Variants in SSH2 observed in about 807,000 individuals in gnomAD.
The protein encoded by SSH2 is slingshot protein phosphatase 2, also known as protein phosphatase Slingshot homolog 2.
In SSH2, 37 loss-of-function variants were observed where a neutral mutation model predicts 135.2. That is an observed-to-expected ratio of 0.27 (90% CI 0.21 to 0.36). The LOEUF is 0.36. SSH2 is among the 10% of genes least tolerant of loss of function. The pLI, the probability that SSH2 is intolerant of heterozygous loss-of-function variation, is 1.00. For missense variants in SSH2, 1,408 were observed against 1,765.3 expected (o/e 0.80, Z 3.63); for synonymous variants, 628 against 646.2 (o/e 0.97, Z 0.43).
intron 1 of SSH2, among the ~76,000 whole-genome samples, chr17:29,876,770 A>G (rs1272628546): frequency 6.6e-6 from 1 of 152,200 alleles, no homozygotes; most frequent in African/African-American, 2.4e-5. Flanking sequence ...AACCACTACA[A>G]GAAAACATTG....
At chr17:29,702,857 A>G in intron 4 of SSH2, 102 bp downstream of exon 4, 1 of 961,358 alleles carries the variant, frequency 1.0e-6, no homozygotes, top group East Asian at 2.5e-5. Context: ...TTCTTTCACC[A>G]TTAAAGAACT....
intron 3 of SSH2, among the ~76,000 whole-genome samples, chr17:29,741,934 CTTTTTTTTTTT>C (rs71138848): frequency 1.0e-5 from 1 of 97,910 alleles, no homozygotes; most frequent in Non-Finnish European, 2.0e-5. Flanking sequence ...ATTTTTTTTT[CTTTTTTTTTTT>C]TTTTTTTTTG....
chr17:29,914,983 A>T (rs1276950816), intron 1 of SSH2, among the ~76,000 whole-genome samples: 10 of 152,218 alleles, frequency 6.6e-5, no homozygotes, highest in Non-Finnish European at 1.5e-5. Context: ...CTTTACAGTC[A>T]ATACAGTTTC....
intron 1 of SSH2, among the ~76,000 whole-genome samples, chr17:29,880,287 A>T (rs1244162323): frequency 6.6e-6 from 1 of 152,022 alleles, no homozygotes; most frequent in African/African-American, 2.4e-5. Flanking sequence ...TGACCAGCTA[A>T]TTTTTTCTAT....
chr17:29,772,106 TG>T (rs1014095541), intron 3 of SSH2, among the ~76,000 whole-genome samples: 65 of 87,504 alleles, frequency 7.4e-4, no homozygotes, highest in African/African-American at 6.1e-3. Context: ...AGAAAAGATG[TG>T]GTTTTTTTTT....
At chr17:29,661,678 G>A (rs527349235) in intron 11 of SSH2, among the ~76,000 whole-genome samples, 2 of 152,182 alleles carry the variant, frequency 1.3e-5, no homozygotes, top group Non-Finnish European at 2.9e-5. Flanking sequence ...TGGAGCCAGC[G>A]AAATGTGACC....
chr17:29,660,343 C>T (rs1204050118), intron 11 of SSH2, among the ~76,000 whole-genome samples: 6 of 150,464 alleles, frequency 4.0e-5, no homozygotes, highest in South Asian at 2.1e-4. Flanking sequence ...CTCAGCTCAC[C>T]GCAACCTCTG....
chr17:29,648,200 C>G lies in SSH2; in HGVS notation c.1371G>C (p.Lys457Asn), dbSNP rs750183981. Reference protein sequence around the residue: ...DYVKERRTVTKPNPSFMRQLE... With the variant: ...DYVKERRTVTNPNPSFMRQLE... Reference sequence around the variant, plus strand: ...GTTGTCTCATGAAGCTTGGGTTGGGCTTGGTTACCGTTCGTCTTTCTTTCA... The same window carrying G: ...GTTGTCTCATGAAGCTTGGGTTGGGGTTGGTTACCGTTCGTCTTTCTTTCA... Residue 457 changes from lysine (K) to asparagine (N), a missense_variant, in exon 14 of 16, where the codon AAG becomes AAC. Around this residue, in one of 3 missense-constraint regions of SSH2, gnomAD observed 106 missense variants for 265.2 expected, o/e 0.40. Transcript: ENST00000540801. The G allele has an allele frequency of 6.2e-6, 10 of 1,613,986 alleles. No individual in the cohort carries two copies. Among genetic ancestry groups the G allele is most frequent in the Non-Finnish European group, 8.5e-6 (10 of 1,180,040 alleles).
intron 1 of SSH2, among the ~76,000 whole-genome samples, chr17:29,889,921 T>G (rs1452272394): frequency 1.3e-5 from 2 of 149,808 alleles, no homozygotes; most frequent in Non-Finnish European, 3.0e-5. Flanking sequence ...ATTGTTTCAC[T>G]ACACTCCAGC....
rs1027007773 is a variant in SSH2 at position 29,635,958 on chromosome 17, C to T, written c.2262+10G>A. On this transcript the variant is annotated intron_variant, in intron 15 of 15. Transcript: ENST00000540801. ...TTCATTAGGCGGAAAACTATAAAGA[C>T]AGTTTTTACCTTTGACTGTTCCTCA... The T allele has an allele frequency of 8.3e-6, 13 of 1,573,724 alleles. No individual in the cohort carries two copies. Among genetic ancestry groups the T allele is most frequent in the Non-Finnish European group, 1.1e-5 (13 of 1,149,350 alleles).
chr17:29,742,639 A>AT (rs2040607710), intron 3 of SSH2, among the ~76,000 whole-genome samples: 1 of 142,838 alleles, frequency 7.0e-6, no homozygotes, highest in Admixed American at 6.9e-5. Flanking sequence ...TGGTTAGTTC[A>AT]TTTTTTGTTT....
chr17:29,753,218 C>A (rs2041004924), intron 3 of SSH2, among the ~76,000 whole-genome samples: 1 of 152,036 alleles, frequency 6.6e-6, no homozygotes, highest in Non-Finnish European at 1.5e-5. Context: ...GCAACCTCTG[C>A]CTCCTGGGTT....
intron 1 of SSH2, among the ~76,000 whole-genome samples, chr17:29,858,021 G>T (rs1271574404): frequency 6.6e-6 from 1 of 152,102 alleles, no homozygotes; most frequent in African/African-American, 2.4e-5. Flanking sequence ...TTAGCATAAG[G>T]TCCTCAAGAT....
intron 8 of SSH2, among the ~76,000 whole-genome samples, 159 bp from the exon 9 acceptor site, chr17:29,672,288 A>G (rs2037526860): frequency 6.6e-6 from 1 of 152,166 alleles, no homozygotes; most frequent in Non-Finnish European, 1.5e-5. Flanking sequence ...TGATTATACC[A>G]TATTATCTAT....
intron 3 of SSH2, among the ~76,000 whole-genome samples, chr17:29,732,697 G>T (rs1233791529): frequency 1.3e-5 from 2 of 152,160 alleles, no homozygotes; most frequent in East Asian, 3.8e-4. Context: ...AAAGATAGAA[G>T]GAGGCTTCGG....
chr17:29,673,780 A>G (rs900017691), intron 8 of SSH2: 2 of 279,916 alleles, frequency 7.1e-6, no homozygotes, highest in African/African-American at 4.4e-5. Context: ...TATTCTCCAT[A>G]TCATCTATAA....
At chr17:29,732,843 C>T (rs1222017698) in intron 3 of SSH2, among the ~76,000 whole-genome samples, 1 of 152,176 alleles carries the variant, frequency 6.6e-6, no homozygotes, top group Non-Finnish European at 1.5e-5. Flanking sequence ...AATGTATAAT[C>T]TCGAATACGC....
intron 1 of SSH2, among the ~76,000 whole-genome samples, chr17:29,916,633 T>C (rs1379815011): frequency 6.6e-6 from 1 of 152,078 alleles, no homozygotes; most frequent in African/African-American, 2.4e-5. Context: ...GCTAATGTTA[T>C]AGGTATTTTT....
intron 3 of SSH2, among the ~76,000 whole-genome samples, chr17:29,705,612 T>C (rs973714824): frequency 3.3e-5 from 5 of 152,182 alleles, no homozygotes; most frequent in African/African-American, 9.7e-5. Flanking sequence ...CTTTTGTACT[T>C]GTAAATAAAA....
Sources: gnomAD v4.1 joint callset for allele counts (sites outside exome capture counted in the v4.1 genomes callset) on GRCh38, gnomAD v4.1.1 for gene constraint, gnomAD v4.1.1 regional missense constraint, MANE v1.5 for transcripts, NCBI Gene and HGNC (gene_info 2026-07-23, HGNC 2026-07-21) for gene names.